Variants in FRYL observed in about 807,000 individuals in gnomAD.
FRYL encodes protein furry homolog-like.
Under a neutral mutation model 351.2 loss-of-function variants are expected in FRYL, and 150 were observed. The ratio of observed to expected loss-of-function variants is 0.43; its 90% CI spans 0.37 to 0.49. The LOEUF (loss-of-function observed/expected upper bound fraction) is 0.49. FRYL is among the 20% of genes least tolerant of loss of function. FRYL has a pLI of 0.00. For synonymous variants in FRYL, 1,153 were observed against 1,257.1 expected, an observed-to-expected ratio of 0.92 and a Z score of 1.75; for missense variants, 3,036 against 3,619.3, an observed-to-expected ratio of 0.84 and a Z score of 4.13.
intron 3 of FRYL, among the ~76,000 whole-genome samples, chr4:48,681,394 G>A (rs527932510): frequency 2.0e-5 from 3 of 152,164 alleles, no homozygotes; most frequent in Non-Finnish European, 2.9e-5. Context: ...GGGTGTTAAC[G>A]ACAATACTGA....
At chr4:48,636,966 G>A (rs773372260) in intron 3 of FRYL, 17 of 151,936 alleles carry the variant, frequency 1.1e-4, no homozygotes, top group Admixed American at 5.2e-4. Context: ...AAATGGCACA[G>A]GAAAGTGTTC....
intron 1 of FRYL, among the ~76,000 whole-genome samples, chr4:48,752,461 T>C (rs1164666475): frequency 6.6e-6 from 1 of 152,260 alleles, no homozygotes; most frequent in Non-Finnish European, 1.5e-5. Context: ...TGTGCAATTG[T>C]AATTCTGCCT....
chr4:48,759,788 C>A (rs1353644630), intron 1 of FRYL, among the ~76,000 whole-genome samples: 2 of 152,118 alleles, frequency 1.3e-5, no homozygotes. Context: ...CTTTTCAGGA[C>A]CCCTGTGATG....
chr4:48,595,994 CTTTA>C lies in FRYL; in HGVS notation c.1038_1041del (p.Asn346LysfsTer21). ...AGTGCAACTCGAGACATTTTCGGAT[CTTTA>C]TTCTGTTTTAAAACAAAAGAGAATA... On this transcript the variant is annotated frameshift_variant and splice_region_variant, in exon 14 of 64. Coordinates refer to ENST00000358350, the MANE Select transcript of FRYL (RefSeq NM_015030.2). LOFTEE classifies it high-confidence loss of function. The C allele has an allele frequency of 6.3e-7, 1 of 1,589,806 alleles. No individual in the cohort carries two copies. The highest frequency in any genetic ancestry group is 8.6e-7 in the Non-Finnish European group (1 of 1,167,470).
chr4:48,755,182 C>G (rs1035984064), intron 1 of FRYL, among the ~76,000 whole-genome samples: 5 of 152,162 alleles, frequency 3.3e-5, no homozygotes, highest in African/African-American at 9.7e-5. Flanking sequence ...ATCTCCCTCA[C>G]CCTTGTAACT....
intron 57 of FRYL, among the ~76,000 whole-genome samples, chr4:48,512,162 G>A (rs971924591): frequency 6.6e-6 from 1 of 152,158 alleles, no homozygotes. Flanking sequence ...TTAACTGTAA[G>A]CTCCCTGAAG....
chr4:48,742,973 A>ATGTTTTTTT (rs1772268031), intron 1 of FRYL, among the ~76,000 whole-genome samples: 1 of 81,746 alleles, frequency 1.2e-5, no homozygotes, highest in Non-Finnish European at 2.3e-5. Context: ...CGCCTGGATA[A>ATGTTTTTTT]TTTTTTTTTT....
At chr4:48,591,308 T>C (rs1374652685) in intron 16 of FRYL, among the ~76,000 whole-genome samples, 1 of 152,220 alleles carries the variant, frequency 6.6e-6, no homozygotes, top group Non-Finnish European at 1.5e-5. Context: ...CCATCTGTTC[T>C]TGCATGTTTG....
At chr4:48,763,333 G>A (rs1389035927) in intron 1 of FRYL, among the ~76,000 whole-genome samples, 1 of 151,500 alleles carries the variant, frequency 6.6e-6, no homozygotes, top group Non-Finnish European at 1.5e-5. Context: ...ATGATGACAT[G>A]CAACTGCAGT....
intron 3 of FRYL, among the ~76,000 whole-genome samples, chr4:48,659,275 C>T (rs948647668): frequency 2.0e-5 from 3 of 151,096 alleles, no homozygotes; most frequent in Non-Finnish European, 4.4e-5. Context: ...TACTGGAACC[C>T]CGGAGGCGGA....
Position 48,501,635 on chromosome 4 carries a change from T to G in FRYL, c.8580A>C (p.Lys2860Asn). The part of the protein sequence containing the change: ...CKLINQVNTI[K>N]NEAEVINMSE... ...ACTGAATATTTACCTCTGCTTCATT[T>G]TTTATCGTATTTACTTGGTTGATAA... The change falls in exon 62 of 64, where the codon AAA becomes AAC. Residue 2860 changes from lysine to asparagine, a missense_variant. Lys to Asn is a moderately conservative substitution (Grantham distance 94, BLOSUM62 0). This residue lies in a region of FRYL where 1,987 missense variants were observed against 2,311.7 expected (regional missense o/e 0.86). Coordinates refer to ENST00000358350, the MANE Select transcript of FRYL (RefSeq NM_015030.2). 2 of 1,583,196 alleles carry G rather than the reference T, an allele frequency of 1.3e-6. No homozygotes were observed. The highest frequency in any genetic ancestry group is 1.7e-6 in the Non-Finnish European group (2 of 1,153,200).
chr4:48,614,912 C>T (rs1248409045), intron 7 of FRYL, among the ~76,000 whole-genome samples: 1 of 139,568 alleles, frequency 7.2e-6, no homozygotes, highest in East Asian at 2.2e-4. Flanking sequence ...CTGCAAGCTC[C>T]GCCTCCCAGG....
At chr4:48,649,710 T>C (rs1379326387) in intron 3 of FRYL, among the ~76,000 whole-genome samples, 1 of 152,218 alleles carries the variant, frequency 6.6e-6, no homozygotes, top group Non-Finnish European at 1.5e-5. Flanking sequence ...ATTTAGGCCA[T>C]ATGAATGTCA....
rs1743058196 is a variant in FRYL, at chr4:48,590,698, GA to G, written c.1467del (p.Leu490SerfsTer5). 1 of 1,611,940 alleles carries G rather than the reference GA, an allele frequency of 6.2e-7. No homozygotes were observed. Among genetic ancestry groups the G allele is most frequent in the Non-Finnish European group, 8.5e-7 (1 of 1,178,798 alleles). On this transcript the variant is annotated frameshift_variant, in exon 17 of 64. Transcript: ENST00000358350. LOFTEE classifies it high-confidence loss of function. ...SGNTLRVKKI[F>X]LNKTLTDEEA... ...TCTTCATCTGTCAAGGTTTTATTGAGAAATATTTTCTTTACACGAAGAGTAT... is the reference window on the plus strand; with the variant it reads ...TCTTCATCTGTCAAGGTTTTATTGAGAATATTTTCTTTACACGAAGAGTAT...
chr4:48,645,127 TATATATATA>T lies in FRYL; in HGVS notation c.-80-10646_-80-10638del, dbSNP rs1756155605. Among the ~76,000 whole-genome samples the T allele has an allele frequency of 1.1e-3, 16 of 14,272 alleles. No homozygotes were observed. The South Asian group carries it at 0.04, about 36-fold the overall frequency. The allele number at this position is 14,272 out of a possible 152,430, so 9.4% of individuals were successfully genotyped here. A position where few individuals can be genotyped will look rare whatever the true frequency, so the allele number is the denominator to read the frequency against. ...AAACCAGCAGTGAGCTTTCATTTTA[TATATATATA>T]TATATATATATATATATATCAGACT... On this transcript the variant is annotated intron_variant, in intron 3 of 63. Coordinates refer to ENST00000358350, the MANE Select transcript of FRYL (RefSeq NM_015030.2).
chr4:48,599,561 C>T (rs577377773), intron 13 of FRYL, among the ~76,000 whole-genome samples: 4 of 152,230 alleles, frequency 2.6e-5, no homozygotes, highest in South Asian at 2.1e-4. Flanking sequence ...CAAATTATTG[C>T]TAACATGTTT....
chr4:48,562,162 C>T (rs1735665174), intron 32 of FRYL, among the ~76,000 whole-genome samples: 1 of 152,066 alleles, frequency 6.6e-6, no homozygotes. Context: ...AAAAGATTTA[C>T]CACTTTTCTC....
chr4:48,626,259 T>A (rs1456483795), intron 4 of FRYL, among the ~76,000 whole-genome samples: 3 of 152,112 alleles, frequency 2.0e-5, no homozygotes, highest in Non-Finnish European at 4.4e-5. Context: ...TATGTGTGTG[T>A]GTGTGTATAT....
chr4:48,673,308 A>G (rs1359842518), intron 3 of FRYL, among the ~76,000 whole-genome samples: 4 of 152,240 alleles, frequency 2.6e-5, no homozygotes, highest in Non-Finnish European at 5.9e-5. Flanking sequence ...CTATTAAAAT[A>G]TATCTTCAAA....
Sources: allele counts gnomAD v4.1 joint callset (sites outside exome capture counted in the v4.1 genomes callset), GRCh38; gene constraint gnomAD v4.1.1; regional missense constraint gnomAD v4.1.1; transcripts MANE v1.5; gene names NCBI Gene and HGNC (gene_info 2026-07-23, HGNC 2026-07-21).